Variants in ADAM28 observed in about 807,000 individuals in gnomAD.
ADAM28 encodes the protein ADAM metallopeptidase domain 28.
A neutral mutation model predicts 101.2 loss-of-function variants in ADAM28; 105 were observed. That is an observed-to-expected ratio of 1.04 (90% CI 0.89 to 1.22). ADAM28 has a LOEUF of 1.22. Among genes scored for constraint, ADAM28 ranks in the 50% most tolerant of loss-of-function variants. ADAM28 has a pLI of 0.00. For missense variants in ADAM28, 1,028 were observed against 945.4 expected, an observed-to-expected ratio of 1.09 and a Z score of -1.15; for synonymous variants, 322 against 310.6, an observed-to-expected ratio of 1.04 and a Z score of -0.39.
At chr8:24,311,336 C>T in intron 4 of ADAM28, 25 bp from the exon 5 acceptor site, 1 of 1,590,926 alleles carries the variant, frequency 6.3e-7, no homozygotes, top group South Asian at 1.1e-5. Context: ...ATGTACTTCT[C>T]TTTACAAAAC....
At chr8:24,297,933 C>A (rs532731594) in intron 1 of ADAM28, among the ~76,000 whole-genome samples, 1 of 151,974 alleles carries the variant, frequency 6.6e-6, no homozygotes, top group Non-Finnish European at 1.5e-5. Flanking sequence ...AAATAAAAGA[C>A]GCCCAGCGAT....
In ADAM28 at chr8:24,331,259, A is replaced by G. The variant is rs1295379523; in HGVS notation, c.1213A>G (p.Ile405Val). The change falls in exon 12 of 23, where the codon ATA becomes GTA. Residue 405 changes from isoleucine to valine, a missense_variant. Coordinates refer to ENST00000265769, the MANE Select transcript of ADAM28 (RefSeq NM_014265.6). ...LFNAPLPTDI[I>V]STPICGNQLV... ...TAATGCTCCATTGCCTACAGATATC[A>G]TATCCACTCCAATTTGTGGGAACCA... 1.2e-6 allele frequency: 2 copies of G among 1,612,848 alleles called. No individual in the cohort carries two copies. The highest frequency in any genetic ancestry group is 2.7e-5 in the African/African-American group (2 of 74,962).
intron 6 of ADAM28, among the ~76,000 whole-genome samples, chr8:24,314,713 A>T (rs1413293401): frequency 6.6e-6 from 1 of 151,938 alleles, no homozygotes; most frequent in East Asian, 1.9e-4. Flanking sequence ...TATGACACTT[A>T]AAAATCAAAT....
At position 24,354,399 on chromosome 8, in the gene ADAM28, G is replaced by T; in HGVS notation, c.2323G>T (p.Ala775Ser). The T allele has an allele frequency of 6.2e-7, 1 of 1,602,968 alleles. No homozygotes were observed. The highest frequency in any genetic ancestry group is 8.5e-7 in the Non-Finnish European group (1 of 1,174,424). The change falls in exon 23 of 23, where the codon GCA becomes TCA. Residue 775 changes from alanine (A) to serine (S), a missense_variant. By Grantham distance (99) the Ala-to-Ser change is moderately conservative. Transcript: ENST00000265769. ...TCTTTTTTAGGACTCAAATCCAAAA[G>T]CATGAAGCAACAGCTAAGCAAGAAC... ...VSTPKDSNPK[A>S]
intron 2 of ADAM28, among the ~76,000 whole-genome samples, chr8:24,308,244 C>A (rs1809968523): frequency 6.6e-6 from 1 of 152,152 alleles, no homozygotes; most frequent in Non-Finnish European, 1.5e-5. Context: ...ACAACTAGAA[C>A]ACACTTCTTA....
At chr8:24,324,050 A>G in intron 9 of ADAM28, 47 bp downstream of exon 9, 1 of 1,580,714 alleles carries the variant, frequency 6.3e-7, no homozygotes, top group East Asian at 2.2e-5. Flanking sequence ...TATTTAGTGG[A>G]TGCTTTTCTG....
At chr8:24,331,753 T>G (rs1410422585) in intron 12 of ADAM28, among the ~76,000 whole-genome samples, 1 of 152,104 alleles carries the variant, frequency 6.6e-6, no homozygotes, top group Non-Finnish European at 1.5e-5. Context: ...CAAATGTATC[T>G]GTTTCCAGCT....
intron 14 of ADAM28, among the ~76,000 whole-genome samples, chr8:24,337,091 G>GA (rs1204058151): frequency 2.0e-5 from 3 of 152,170 alleles, no homozygotes; most frequent in Non-Finnish European, 4.4e-5. Context: ...CAAGACCCTA[G>GA]AAAAACCTCC....
Position 24,332,712 on chromosome 8 carries a change from T to C in ADAM28, c.1334T>C (p.Phe445Ser), listed in dbSNP as rs764292584. ...AAGACATGTAAAATCAAAGCAACTTTTCAATGTGCATTAGGAGAATGTTGT... is the reference window on the plus strand; with the variant it reads ...AAGACATGTAAAATCAAAGCAACTTCTCAATGTGCATTAGGAGAATGTTGT... ...DAKTCKIKAT[F>S]QCALGECCEK... The change falls in exon 13 of 23, where the codon TTT (phenylalanine) becomes TCT (serine). Residue 445 changes from phenylalanine (F) to serine (S), a missense_variant. Physicochemically the swap from Phe to Ser is radical, Grantham distance 155. Coordinates refer to ENST00000265769, the MANE Select transcript of ADAM28 (RefSeq NM_014265.6). The C allele has an allele frequency of 1.3e-6, 2 of 1,523,658 alleles. No homozygotes were observed. The allele number at this position is 1,523,658 out of a possible 1,614,324, so 94.4% of individuals were successfully genotyped here.
chr8:24,328,559 A>G (rs1261560524), intron 10 of ADAM28, among the ~76,000 whole-genome samples: 1 of 152,110 alleles, frequency 6.6e-6, no homozygotes, highest in Admixed American at 6.6e-5. Flanking sequence ...TATAGTAGGT[A>G]GCTTAATGCT....
Position 24,332,664 on chromosome 8 carries a change from G to A in ADAM28, c.1286G>A (p.Cys429Tyr). 1.3e-6 allele frequency: 2 copies of A among 1,498,442 alleles called. No individual in the cohort carries two copies. The highest frequency in any genetic ancestry group is 1.8e-6 in the Non-Finnish European group (2 of 1,112,050). 92.8% of individuals were successfully genotyped at this position (1,498,442 alleles called of 1,614,324 possible). A position where few individuals can be genotyped will look rare whatever the true frequency, so the allele number is the denominator to read the frequency against. ...EDCDCGTSEE[C>Y]TNICCDAKTC... is the part of the protein sequence containing the mutation. ...TTTGTTTCTCATATTTCTTAGGAAT[G>A]TACCAATATTTGCTGTGATGCTAAG... Residue 429 changes from cysteine (C) to tyrosine (Y), a missense_variant, in exon 13 of 23, where the codon TGT becomes TAT. Coordinates refer to ENST00000265769, the MANE Select transcript of ADAM28 (RefSeq NM_014265.6).
At chr8:24,324,113 T>C in intron 9 of ADAM28, 110 bp downstream of exon 9, 1 of 913,050 alleles carries the variant, frequency 1.1e-6, no homozygotes, top group African/African-American at 1.6e-5. Context: ...TATAGAGCAC[T>C]TACTTGGATT....
At chr8:24,350,099 A>G in intron 19 of ADAM28, 127 bp downstream of exon 19, 2 of 769,292 alleles carry the variant, frequency 2.6e-6, no homozygotes, top group Non-Finnish European at 3.9e-6. Context: ...ATACATGCAG[A>G]TGGTCTTTTT....
intron 6 of ADAM28, among the ~76,000 whole-genome samples, chr8:24,315,749 A>AAAAATTTTC (rs1811080868): frequency 6.6e-6 from 1 of 152,014 alleles, no homozygotes; most frequent in South Asian, 2.1e-4. Flanking sequence ...ACACTGAGGT[A>AAAAATTTTC]AAAATTTTCA....
chr8:24,347,016 A>G (rs990419465), intron 18 of ADAM28: 1 of 152,012 alleles, frequency 6.6e-6, no homozygotes, highest in African/African-American at 2.4e-5. Flanking sequence ...CATTATCACC[A>G]AGAGTCTTTA....
At chr8:24,324,029 A>C in intron 9 of ADAM28, 26 bp downstream of exon 9, 1 of 1,608,348 alleles carries the variant, frequency 6.2e-7, no homozygotes, top group East Asian at 2.2e-5. Flanking sequence ...CTCCCATTGC[A>C]CACTATGTGG....
At chr8:24,351,877 C>T (rs1816198956) in intron 20 of ADAM28, 110 bp from the exon 21 acceptor site, 3 of 969,932 alleles carry the variant, frequency 3.1e-6, no homozygotes, top group African/African-American at 3.3e-5. Context: ...CTCTTGGTGT[C>T]AGCTTAGTTC....
In ADAM28 at chr8:24,313,539, G is replaced by A. The variant is rs1349281865; in HGVS notation, c.535G>A (p.Asp179Asn). The A allele has an allele frequency of 1.9e-6, 3 of 1,613,622 alleles. No individual in the cohort carries two copies. In the Admixed American group the frequency reaches 5.0e-5, roughly 27 times the overall value. The change falls in exon 6 of 23, where the codon GAT becomes AAT. Residue 179 changes from aspartate to asparagine, a missense_variant. Physicochemically the swap from Asp to Asn is conservative, Grantham distance 23. Transcript: ENST00000265769. ...GATGGATGGTGTGTTGTGGGCCCACGATTTGCAGCAGAACATTGCCCTACC... is the reference window on the plus strand; with the variant it reads ...GATGGATGGTGTGTTGTGGGCCCACAATTTGCAGCAGAACATTGCCCTACC... ...CGMDGVLWAHDLQQNIALPAT... is the reference protein window; with the variant it reads ...CGMDGVLWAHNLQQNIALPAT...
At position 24,358,054 on chromosome 8, in the gene ADAM28, T is replaced by TATCA. The variant is rs1378527660; in HGVS notation, c.*3651_*3654dup. 1 of 152,218 alleles carries TATCA rather than the reference T, an allele frequency of 6.6e-6. No homozygotes were observed. The highest frequency in any genetic ancestry group is 1.5e-5 in the Non-Finnish European group (1 of 68,032). 9.4% of individuals were successfully genotyped at this position (152,218 alleles called of 1,614,324 possible). A position where few individuals can be genotyped will look rare whatever the true frequency, so the allele number is the denominator to read the frequency against. On this transcript the variant is annotated 3_prime_UTR_variant, in exon 23 of 23. Coordinates refer to ENST00000265769, the MANE Select transcript of ADAM28 (RefSeq NM_014265.6). ...TACTTAATAACATTCTCTTCTTTCC[T>TATCA]ATCAGTTTAATTTTATAAAGGCTAA...
Sources: allele counts gnomAD v4.1 joint callset (sites outside exome capture counted in the v4.1 genomes callset), GRCh38; gene constraint gnomAD v4.1.1; transcripts MANE v1.5; gene names NCBI Gene and HGNC (gene_info 2026-07-23, HGNC 2026-07-21).